Variants in GNB4 observed in about 807,000 individuals in gnomAD.
The protein encoded by GNB4 is G protein subunit beta 4.
Under a neutral mutation model 45.2 loss-of-function variants are expected in GNB4, and 28 were observed. That is an observed-to-expected ratio of 0.62 (90% confidence interval 0.46 to 0.85). The LOEUF is 0.85. Among genes scored for constraint, GNB4 ranks in the 40% least tolerant of loss-of-function variants. The probability of loss-of-function intolerance (pLI) is 0.00; values close to 1 mark genes in which losing one functional copy is unlikely to be tolerated. For missense variants in GNB4, 321 were observed against 425.4 expected, an observed-to-expected ratio of 0.75 and a Z score of 2.16; for synonymous variants, 132 against 143.7, an observed-to-expected ratio of 0.92 and a Z score of 0.58.
At chr3:179,417,871 T>C (rs138116637) in intron 4 of GNB4, among the ~76,000 whole-genome samples, 26 of 152,292 alleles carry the variant, frequency 1.7e-4, no homozygotes, top group African/African-American at 4.8e-4. Context: ...AAAGGGAAGA[T>C]CTATCTGATA....
At chr3:179,445,269 T>C (rs1436647795) in intron 1 of GNB4, among the ~76,000 whole-genome samples, 2 of 151,420 alleles carry the variant, frequency 1.3e-5, no homozygotes, top group South Asian at 2.1e-4. Context: ...CTAAAAAGAG[T>C]ACTTTATACT....
rs116351252 is a variant in GNB4 at position 179,440,534 on chromosome 3, T to C, written c.-43+10812A>G. Among the ~76,000 whole-genome samples, 430 of 152,262 alleles carry C rather than the reference T, an allele frequency of 2.8e-3. 3 individuals carry two copies. The highest frequency in any genetic ancestry group is 0.01 in the African/African-American group (424 of 41,532). The stretch of plus-strand genomic sequence containing the variant: ...ATGTTTTATTATTTTTTTCAAGAAC[T>C]TGTGATTACGTTTTCTGAACAAGGC... On this transcript the variant is annotated intron_variant, in intron 1 of 9. Transcript: ENST00000232564.
At position 179,423,266 on chromosome 3, in the gene GNB4, C is replaced by G. The variant is rs1328029937; in HGVS notation, c.58-2339G>C. On this transcript the variant is annotated intron_variant, in intron 2 of 9. Coordinates refer to ENST00000232564, the MANE Select transcript of GNB4 (RefSeq NM_021629.4). ...ATGATTAAGACACAAAATTATCCAT[C>G]TAGGTACAAACAGTAGGGGCAAATA... is the stretch of plus-strand genomic sequence containing the variant. Among the ~76,000 whole-genome samples, 4 of 152,256 alleles carry G rather than the reference C, an allele frequency of 2.6e-5. No individual in the cohort carries two copies. The East Asian group carries it at 7.7e-4, about 29-fold the overall frequency.
the GNB4 span, among the ~76,000 whole-genome samples, chr3:179,488,999 AAAAAAAAAAAAAAAAAAAAAAT>A: frequency 2.0e-4 from 6 of 30,556 alleles, 2 homozygotes; most frequent in Non-Finnish European, 3.1e-4. Flanking sequence ...AAAAAAAAAA[AAAAAAAAAAAAAAAAAAAAAAT>A]ATATATATAT....
At chr3:179,489,538 G>T in the GNB4 span, among the ~76,000 whole-genome samples, 1 of 152,032 alleles carries the variant, frequency 6.6e-6, no homozygotes, top group African/African-American at 2.4e-5. Context: ...CTGCTCAGGG[G>T]GCTGAAGTGG....
At chr3:179,479,659 T>C in the GNB4 span, among the ~76,000 whole-genome samples, 9 of 152,180 alleles carry the variant, frequency 5.9e-5, no homozygotes, top group South Asian at 1.9e-3. Context: ...TTCACTAAGG[T>C]CGTCCTGTGA....
At chr3:179,473,078 G>A in the GNB4 span, among the ~76,000 whole-genome samples, 3 of 152,134 alleles carry the variant, frequency 2.0e-5, no homozygotes, top group Non-Finnish European at 2.9e-5. Flanking sequence ...CAGGAGAATC[G>A]CTTGAACCCA....
At chr3:179,493,166 A>G in the GNB4 span, among the ~76,000 whole-genome samples, 1 of 152,196 alleles carries the variant, frequency 6.6e-6, no homozygotes, top group African/African-American at 2.4e-5. Flanking sequence ...AAGAAACTCA[A>G]AAAGACAAGG....
chr3:179,500,701 C>A, the GNB4 span, among the ~76,000 whole-genome samples: 1 of 152,180 alleles, frequency 6.6e-6, no homozygotes, highest in Non-Finnish European at 1.5e-5. Flanking sequence ...AATATTGATT[C>A]TTCATATCCA....
At chr3:179,476,915 T>C in the GNB4 span, among the ~76,000 whole-genome samples, 1 of 152,154 alleles carries the variant, frequency 6.6e-6, no homozygotes, top group Non-Finnish European at 1.5e-5. Context: ...TTTAAGTCTT[T>C]TCTCTTCTCT....
chr3:179,500,533 T>C, the GNB4 span, among the ~76,000 whole-genome samples: 1 of 152,242 alleles, frequency 6.6e-6, no homozygotes, highest in Non-Finnish European at 1.5e-5. Flanking sequence ...TCCAGCTTTG[T>C]TCTTTTTGCT....
chr3:179,458,269 G>A, the GNB4 span, among the ~76,000 whole-genome samples: 1 of 152,136 alleles, frequency 6.6e-6, no homozygotes, highest in African/African-American at 2.4e-5. Flanking sequence ...CCATCCAAAT[G>A]ACAGCAGCAA....
intron 1 of GNB4, among the ~76,000 whole-genome samples, chr3:179,439,756 T>A (rs1192898526): frequency 6.6e-6 from 1 of 152,248 alleles, no homozygotes; most frequent in Non-Finnish European, 1.5e-5. Context: ...ATTTCTCATA[T>A]GAAAATTGTG....
At chr3:179,455,394 G>A (rs565976039), upstream of GNB4, among the ~76,000 whole-genome samples, 4 of 152,194 alleles carry the variant, frequency 2.6e-5, no homozygotes, top group Non-Finnish European at 4.4e-5. Context: ...TTTGGCTCTG[G>A]TATTAAATGT....
At chr3:179,514,072 C>T in the GNB4 span, among the ~76,000 whole-genome samples, 8 of 152,244 alleles carry the variant, frequency 5.3e-5, no homozygotes, top group Non-Finnish European at 1.0e-4. Context: ...CTAGTTGATA[C>T]CTCAGGAATG....
chr3:179,412,826 T>C (rs1714688880), intron 8 of GNB4, among the ~76,000 whole-genome samples: 1 of 151,774 alleles, frequency 6.6e-6, no homozygotes, highest in African/African-American at 2.4e-5. Context: ...TCTGCTTGTT[T>C]ACTCATGATA....
At chr3:179,432,136 G>C (rs1325502819) in intron 1 of GNB4, among the ~76,000 whole-genome samples, 1 of 152,156 alleles carries the variant, frequency 6.6e-6, no homozygotes, top group East Asian at 1.9e-4. Context: ...CTCCGGCTAT[G>C]TTTGGGCAGG....
chr3:179,518,757 AT>A, the GNB4 span, among the ~76,000 whole-genome samples: 2 of 152,168 alleles, frequency 1.3e-5, no homozygotes, highest in African/African-American at 4.8e-5. Flanking sequence ...TTCATCAAAT[AT>A]AAAAAACCAG....
the GNB4 span, among the ~76,000 whole-genome samples, chr3:179,508,067 G>C: frequency 6.6e-6 from 1 of 152,206 alleles, no homozygotes; most frequent in Non-Finnish European, 1.5e-5. Context: ...AGTTCAAGGA[G>C]AAGACTGATG....
Sources: allele counts gnomAD v4.1 joint callset (sites outside exome capture counted in the v4.1 genomes callset), GRCh38; gene constraint gnomAD v4.1.1; transcripts MANE v1.5; gene names NCBI Gene and HGNC (gene_info 2026-07-23, HGNC 2026-07-21).